CSNK2A1: variants seen among roughly 807,000 people sequenced by gnomAD.
CSNK2A1 encodes casein kinase 2 alpha 1, also known as casein kinase II subunit alpha.
In CSNK2A1, 10 loss-of-function variants were observed where a neutral mutation model predicts 62.9. That is an observed-to-expected ratio of 0.16 (90% confidence interval 0.10 to 0.27). The LOEUF is 0.27. Ranked by LOEUF, CSNK2A1 falls within the 10% of genes least tolerant of loss-of-function variation. The pLI is 1.00. For missense variants in CSNK2A1, 160 were observed against 492.0 expected (o/e 0.33, Z 6.38); for synonymous variants, 124 against 167.8 (o/e 0.74, Z 2.02).
chr20:520,536 G>A (rs2018924082), intron 2 of CSNK2A1, among the ~76,000 whole-genome samples: 1 of 151,986 alleles, frequency 6.6e-6, no homozygotes, highest in South Asian at 2.1e-4. Context: ...GTCTGCCTCT[G>A]GTGCCCACGC....
intron 12 of CSNK2A1, chr20:486,832 C>T (rs1293084596): frequency 4.8e-6 from 1 of 208,622 alleles, no homozygotes; most frequent in East Asian, 1.1e-4. Context: ...ACCAAGTAGG[C>T]CAAAGCTATA....
intron 9 of CSNK2A1, among the ~76,000 whole-genome samples, chr20:490,411 CTTT>C (rs369596623): frequency 2.4e-5 from 2 of 84,468 alleles, no homozygotes; most frequent in Non-Finnish European, 2.2e-5. Context: ...ACAATTTTTA[CTTT>C]TTTTTTTTTT....
intron 13 of CSNK2A1, among the ~76,000 whole-genome samples, chr20:484,475 A>C (rs1222453803): frequency 6.6e-6 from 1 of 152,188 alleles, no homozygotes; most frequent in Non-Finnish European, 1.5e-5. Flanking sequence ...AATTTTATTC[A>C]ATTGTAATTA....
rs1463783266 is a variant in CSNK2A1, at chr20:499,705, T to C, written c.315+128A>G. 20 of 836,536 alleles carry C rather than the reference T, an allele frequency of 2.4e-5. No homozygotes were observed. The highest frequency in any genetic ancestry group is 4.0e-5 in the Non-Finnish European group (20 of 504,248). 51.8% of individuals were successfully genotyped at this position (836,536 alleles called of 1,614,324 possible). ...ACCCAAGCTAGTTAAATGGTATATC[T>C]GATTAAGCACTTTCAAAGCAGGACT... On this transcript the variant is annotated intron_variant, in intron 5 of 13. Coordinates refer to ENST00000217244, the MANE Select transcript of CSNK2A1 (RefSeq NM_177559.3). The surrounding 1 kb of genome is among the most constrained non-coding windows in gnomAD (Gnocchi z 4.2).
At chr20:485,736 T>C (rs1035447065) in intron 13 of CSNK2A1, among the ~76,000 whole-genome samples, 3 of 152,192 alleles carry the variant, frequency 2.0e-5, no homozygotes, top group African/African-American at 7.2e-5. Flanking sequence ...GTTAGTTCTT[T>C]TCTTAAAAAA....
At chr20:493,158 T>C (rs576060972) in intron 8 of CSNK2A1, among the ~76,000 whole-genome samples, 100 of 152,284 alleles carry the variant, frequency 6.6e-4, no homozygotes, top group African/African-American at 2.1e-3. Flanking sequence ...GTGATACTCA[T>C]CCTGTCATAC....
In CSNK2A1 at chr20:487,819, A is replaced by AG. The variant is rs1414266072; in HGVS notation, c.825-245dup. The AG allele has an allele frequency of 9.0e-6, 5 of 555,826 alleles. No homozygotes were observed. In the East Asian group the frequency reaches 1.6e-4, roughly 17 times the overall value. The allele number at this position is 555,826 out of a possible 1,614,324, so 34.4% of individuals were successfully genotyped here. A position where few individuals can be genotyped will look rare whatever the true frequency, so the allele number is the denominator to read the frequency against. On this transcript the variant is annotated intron_variant, in intron 11 of 13. Coordinates refer to ENST00000217244, the MANE Select transcript of CSNK2A1 (RefSeq NM_177559.3). ...CTCTCAATTTTAAGAAACATAATTC[A>AG]GGTTACTTGACAGGACGTGACCGCT...
At chr20:527,197 T>G (rs905366436) in intron 2 of CSNK2A1, among the ~76,000 whole-genome samples, 1 of 152,168 alleles carries the variant, frequency 6.6e-6, no homozygotes, top group Non-Finnish European at 1.5e-5. Context: ...AACAACTTTG[T>G]GCCCACAAAC....
At chr20:498,443 C>G (rs1410532634) in intron 6 of CSNK2A1, 1 of 150,960 alleles carries the variant, frequency 6.6e-6, no homozygotes, top group Non-Finnish European at 1.5e-5. Flanking sequence ...TGGGCTCAAG[C>G]GATCCTCCTA....
intron 6 of CSNK2A1, chr20:498,750 A>G (rs1251352068): frequency 8.5e-5 from 13 of 152,204 alleles, no homozygotes; most frequent in Non-Finnish European, 1.9e-4. Context: ...TAAGTAGGCC[A>G]CTGGATAGAC....
chr20:537,521 C>A (rs1384618893), intron 1 of CSNK2A1, among the ~76,000 whole-genome samples: 1 of 152,014 alleles, frequency 6.6e-6, no homozygotes, highest in Non-Finnish European at 1.5e-5. Flanking sequence ...CATCTGGGAG[C>A]ACTCAACGTA....
At chr20:502,528 T>C (rs927991715) in intron 4 of CSNK2A1, 7 of 152,220 alleles carry the variant, frequency 4.6e-5, no homozygotes, top group Non-Finnish European at 1.0e-4. Flanking sequence ...GCAACTTTTG[T>C]CTTATTAAAT....
intron 4 of CSNK2A1, chr20:500,183 G>A (rs2018430963): frequency 2.2e-6 from 1 of 448,258 alleles, no homozygotes; most frequent in African/African-American, 2.0e-5. Context: ...TGCAGAATTA[G>A]CATTTCAATC....
At chr20:516,855 G>T (rs1333301371) in intron 2 of CSNK2A1, among the ~76,000 whole-genome samples, 1 of 150,946 alleles carries the variant, frequency 6.6e-6, no homozygotes, top group Non-Finnish European at 1.5e-5. Context: ...CATCTTAAAA[G>T]GAAAAAAAAA....
At chr20:526,688 G>C (rs913003926) in intron 2 of CSNK2A1, 3 of 151,958 alleles carry the variant, frequency 2.0e-5, no homozygotes, top group African/African-American at 7.3e-5. Flanking sequence ...AGGTGTGATG[G>C]CTCATACCTG....
intron 2 of CSNK2A1, chr20:526,997 C>CAG (rs1186187834): frequency 4.4e-4 from 24 of 54,002 alleles, no homozygotes; most frequent in Admixed American, 1.6e-3. Flanking sequence ...GAGAGAGAGA[C>CAG]AGACAGAGAG....
intron 8 of CSNK2A1, chr20:494,535 G>T (rs555766042): frequency 4.6e-5 from 7 of 152,334 alleles, no homozygotes; most frequent in African/African-American, 1.7e-4. Context: ...ATGTATGAGA[G>T]ATCAAGTTTC....
intron 1 of CSNK2A1, among the ~76,000 whole-genome samples, chr20:532,276 C>T (rs886969870): frequency 2.2e-4 from 33 of 152,002 alleles, no homozygotes; most frequent in East Asian, 3.9e-4. Flanking sequence ...GCGATTCCCC[C>T]GCCTCAGCCT....
intron 7 of CSNK2A1, 25 bp downstream of exon 7, chr20:497,696 T>C (rs2018372925): frequency 3.2e-6 from 5 of 1,570,074 alleles, no homozygotes; most frequent in East Asian, 2.2e-5. Flanking sequence ...ATTTAAAAAA[T>C]ATTTAGTATT....
Sources: gnomAD v4.1 joint callset for allele counts (sites outside exome capture counted in the v4.1 genomes callset) on GRCh38, gnomAD v4.1.1 for gene constraint, Gnocchi (gnomAD v3.1) non-coding constraint, MANE v1.5 for transcripts, NCBI Gene and HGNC (gene_info 2026-07-23, HGNC 2026-07-21) for gene names.